The following NTN1 variants were observed in gnomAD, a reference collection of about 807,000 sequenced individuals.
NTN1 encodes the protein netrin 1, also known as netrin-1.
A neutral mutation model predicts 54.2 loss-of-function variants in NTN1; 11 were observed. The ratio of observed to expected loss-of-function variants is 0.20; its 90% CI spans 0.13 to 0.34. NTN1 has a LOEUF of 0.34. NTN1 is among the 10% of genes least tolerant of loss of function. The probability of loss-of-function intolerance (pLI) is 1.00; values close to 1 mark genes in which losing one functional copy is unlikely to be tolerated. For synonymous variants in NTN1, 371 were observed against 382.0 expected, an observed-to-expected ratio of 0.97 and a Z score of 0.33; for missense variants, 740 against 893.1, an observed-to-expected ratio of 0.83 and a Z score of 2.18.
At chr17:9,073,203 C>T (rs1055063745) in intron 2 of NTN1, among the ~76,000 whole-genome samples, 9 of 152,284 alleles carry the variant, frequency 5.9e-5, no homozygotes, top group South Asian at 2.1e-4. Context: ...GGAGGAGTCG[C>T]GTATCCCACC....
intron 5 of NTN1, among the ~76,000 whole-genome samples, chr17:9,197,443 GAGGTC>G (rs1904667188): frequency 6.6e-6 from 1 of 152,136 alleles, no homozygotes; most frequent in Admixed American, 6.5e-5. Context: ...CAGATCATCT[GAGGTC>G]AGGAGTTCGA....
intron 2 of NTN1, among the ~76,000 whole-genome samples, chr17:9,089,782 G>A (rs138564445): frequency 6.6e-6 from 1 of 152,280 alleles, no homozygotes; most frequent in East Asian, 1.9e-4. Flanking sequence ...GCTTGCCTGT[G>A]ATCATCTTTT....
At chr17:9,014,846 A>AC in the NTN1 span, among the ~76,000 whole-genome samples, 1 of 152,156 alleles carries the variant, frequency 6.6e-6, no homozygotes, top group Non-Finnish European at 1.5e-5. Context: ...GATGATTGAG[A>AC]CCCAGTCAAG....
Position 9,022,469 on chromosome 17 carries a change from G to A in NTN1, c.96G>A (p.Ala32=). The A allele has an allele frequency of 6.6e-7, 1 of 1,520,692 alleles. No homozygotes were observed. Among genetic ancestry groups the A allele is most frequent in the Non-Finnish European group, 8.8e-7 (1 of 1,139,584 alleles). 94.2% of individuals were successfully genotyped at this position (1,520,692 alleles called of 1,614,324 possible). The change falls in exon 2 of 7, where the codon GCG becomes GCA. Residue 32 remains alanine (A), a synonymous_variant. Transcript: ENST00000173229. ...VRGGPGLSMF[A]GQAAQPDPCS... is the part of the protein sequence containing the mutation. Reference sequence around the variant, plus strand: ...GCGGGCCCGGGCTCAGCATGTTCGCGGGCCAGGCGGCGCAGCCCGATCCCT... The same window carrying A: ...GCGGGCCCGGGCTCAGCATGTTCGCAGGCCAGGCGGCGCAGCCCGATCCCT...
rs945135032 is a variant in NTN1, at chr17:9,212,458, C to G, written c.1412-8710C>G. Among the ~76,000 whole-genome samples the G allele has an allele frequency of 1.3e-5, 2 of 152,230 alleles. No homozygotes were observed. The highest frequency in any genetic ancestry group is 2.9e-5 in the Non-Finnish European group (2 of 68,044). ...GGAGATTCCATGCAGCTTTCTGGTT[C>G]TAGATCAGGCAGCACCAAACATACT... On this transcript the variant is annotated intron_variant, in intron 5 of 6. Transcript: ENST00000173229. This position sits in a 1 kb window ranked among gnomAD's most constrained non-coding sequence, Gnocchi z 5.5.
intron 5 of NTN1, among the ~76,000 whole-genome samples, chr17:9,208,485 C>T (rs554250232): frequency 1.2e-4 from 19 of 152,228 alleles, no homozygotes; most frequent in South Asian, 1.0e-3. Flanking sequence ...CACCAAGGTC[C>T]GATTTGCCAG....
chr17:9,020,225 A>G (rs1353275728), upstream of NTN1, among the ~76,000 whole-genome samples: 1 of 152,256 alleles, frequency 6.6e-6, no homozygotes, highest in African/African-American at 2.4e-5. Flanking sequence ...CTTGGGCCGG[A>G]ACCAGGACCT....
intron 6 of NTN1, among the ~76,000 whole-genome samples, chr17:9,225,714 G>A (rs920390825): frequency 3.4e-5 from 5 of 147,800 alleles, no homozygotes; most frequent in South Asian, 2.1e-4. Context: ...CCGCCAAACC[G>A]GGCGGGCCAG....
intron 2 of NTN1, among the ~76,000 whole-genome samples, chr17:9,114,621 C>T (rs1484530828): frequency 3.3e-5 from 5 of 151,670 alleles, no homozygotes; most frequent in Non-Finnish European, 7.4e-5. Flanking sequence ...GGTGTGGTGG[C>T]GGGTGCCTGT....
chr17:9,240,057 C>A lies in NTN1; in HGVS notation c.*89C>A. ...TTGGCCCGGCCGCCGCGGACTTGGC[C>A]CGCGAGGGCTTTCCCAGGTGGGGGG... is the stretch of plus-strand genomic sequence containing the variant. On this transcript the variant is annotated 3_prime_UTR_variant, in exon 7 of 7. Transcript: ENST00000173229. 1.6e-6 allele frequency: 1 copy of A among 611,506 alleles called. No individual in the cohort carries two copies. Among genetic ancestry groups the A allele is most frequent in the Non-Finnish European group, 2.1e-6 (1 of 483,606 alleles). The allele number at this position is 611,506 out of a possible 1,614,324, so 37.9% of individuals were successfully genotyped here.
chr17:9,218,379 C>T (rs893499071), intron 5 of NTN1, among the ~76,000 whole-genome samples: 2 of 152,176 alleles, frequency 1.3e-5, no homozygotes, highest in Admixed American at 6.5e-5. Flanking sequence ...CAGTGCCCAG[C>T]GCCTCATTAG....
At chr17:9,213,917 G>C (rs532492257) in intron 5 of NTN1, among the ~76,000 whole-genome samples, 1 of 151,848 alleles carries the variant, frequency 6.6e-6, no homozygotes, top group Non-Finnish European at 1.5e-5. Flanking sequence ...GGCTAAAGTT[G>C]TATATACTAG....
chr17:9,097,919 C>G (rs959431875), intron 2 of NTN1, among the ~76,000 whole-genome samples: 39 of 151,842 alleles, frequency 2.6e-4, no homozygotes, highest in African/African-American at 8.5e-4. Context: ...CTTTGTTCTC[C>G]TTTGAGAATT....
chr17:9,112,287 A>G (rs1251587858), intron 2 of NTN1, among the ~76,000 whole-genome samples: 3 of 152,236 alleles, frequency 2.0e-5, no homozygotes, highest in South Asian at 4.1e-4. Flanking sequence ...GGAATCCACA[A>G]ATAATGAGGT....
At chr17:9,032,587 G>A (rs1165894013) in intron 2 of NTN1, among the ~76,000 whole-genome samples, 4 of 152,210 alleles carry the variant, frequency 2.6e-5, no homozygotes, top group Admixed American at 1.3e-4. Flanking sequence ...GTTTGGGCTG[G>A]TGCAGAAAGT....
chr17:9,084,217 C>T (rs920852835), intron 2 of NTN1, among the ~76,000 whole-genome samples: 2 of 152,126 alleles, frequency 1.3e-5, no homozygotes, highest in Non-Finnish European at 2.9e-5. Flanking sequence ...AAGTGATTCT[C>T]CTGCCTCAGC....
At chr17:9,029,060 A>G (rs1311081772) in intron 2 of NTN1, among the ~76,000 whole-genome samples, 1 of 152,018 alleles carries the variant, frequency 6.6e-6, no homozygotes, top group East Asian at 1.9e-4. Flanking sequence ...TAATACTTGT[A>G]GAGCAGGCCC....
At chr17:9,213,444 T>C (rs762552249) in intron 5 of NTN1, among the ~76,000 whole-genome samples, 14 of 152,176 alleles carry the variant, frequency 9.2e-5, no homozygotes, top group Non-Finnish European at 1.8e-4. Flanking sequence ...TACTTGTTAC[T>C]CCTGCATGGA....
chr17:9,100,272 T>A (rs192515127), intron 2 of NTN1, among the ~76,000 whole-genome samples: 1 of 152,330 alleles, frequency 6.6e-6, no homozygotes, highest in East Asian at 1.9e-4. Flanking sequence ...CTGCTTTTTC[T>A]GCTCAGCAAT....
Sources: gnomAD v4.1 joint callset for allele counts (sites outside exome capture counted in the v4.1 genomes callset) on GRCh38, gnomAD v4.1.1 for gene constraint, Gnocchi (gnomAD v3.1) non-coding constraint, MANE v1.5 for transcripts, NCBI Gene and HGNC (gene_info 2026-07-23, HGNC 2026-07-21) for gene names.